The following PTCH1 variants were observed in gnomAD, a reference collection of about 807,000 sequenced individuals.
The protein encoded by PTCH1 is protein patched homolog 1.
PTCH1 carries 14 observed loss-of-function variants against 144.6 expected under a neutral mutation model. That is an observed-to-expected ratio of 0.10 (90% CI 0.06 to 0.15). PTCH1 has a LOEUF of 0.15. Among genes scored for constraint, PTCH1 ranks in the 10% least tolerant of loss-of-function variants. The pLI, the probability that PTCH1 is intolerant of heterozygous loss-of-function variation, is 1.00. For synonymous variants in PTCH1, 833 were observed against 793.6 expected, an observed-to-expected ratio of 1.05 and a Z score of -0.83; for missense variants, 1,623 against 1,948.3, an observed-to-expected ratio of 0.83 and a Z score of 3.14.
At chr9:95,479,208 C>G in intron 7 of PTCH1, 61 bp from the exon 8 acceptor site, 1 of 1,607,648 alleles carries the variant, frequency 6.2e-7, no homozygotes, top group South Asian at 1.1e-5. Context: ...TTTCCACTGC[C>G]TCAAATCCCC....
intron 13 of PTCH1, among the ~76,000 whole-genome samples, 185 bp downstream of exon 13, chr9:95,469,628 G>T (rs764619790): frequency 5.9e-5 from 9 of 152,146 alleles, no homozygotes; most frequent in Non-Finnish European, 8.8e-5. Flanking sequence ...CGGCAGGGGA[G>T]AAGGAAGCCC....
At chr9:95,474,993 T>C (rs1023788885) in intron 12 of PTCH1, among the ~76,000 whole-genome samples, 4 of 152,122 alleles carry the variant, frequency 2.6e-5, no homozygotes, top group South Asian at 2.1e-4. Flanking sequence ...GGGGAAACAA[T>C]TGAGGTTTTG....
intron 12 of PTCH1, among the ~76,000 whole-genome samples, chr9:95,474,330 T>C (rs1422979449): frequency 6.6e-6 from 1 of 151,854 alleles, no homozygotes; most frequent in Non-Finnish European, 1.5e-5. Context: ...GCACGTGAAA[T>C]GAGACTGGGG....
Position 95,449,608 on chromosome 9 carries a change from T to C in PTCH1, c.3549+233A>G. 1.6e-6 allele frequency: 1 copy of C among 642,626 alleles called. No homozygotes were observed. The highest frequency in any genetic ancestry group is 2.7e-6 in the Non-Finnish European group (1 of 370,038). 39.8% of individuals were successfully genotyped at this position (642,626 alleles called of 1,614,324 possible). A position where few individuals can be genotyped will look rare whatever the true frequency, so the allele number is the denominator to read the frequency against. ...AAGGGGAAAGTCTTCATTTACTGTA[T>C]AAAGATCTGTAAGACCCAGGCTGCC... On this transcript the variant is annotated intron_variant, in intron 21 of 23. Transcript: ENST00000331920. The surrounding 1 kb of genome is among the most constrained non-coding windows in gnomAD (Gnocchi z 5.3).
In PTCH1 at chr9:95,506,206, C is replaced by T. The variant is rs1843609500; in HGVS notation, c.394+201G>A. 8.8e-6 allele frequency: 5 copies of T among 565,278 alleles called. No individual in the cohort carries two copies. In the Admixed American group the frequency reaches 1.9e-4, roughly 21 times the overall value. The allele number at this position is 565,278 out of a possible 1,614,324, so 35.0% of individuals were successfully genotyped here. A position where few individuals can be genotyped will look rare whatever the true frequency, so the allele number is the denominator to read the frequency against. ...TCCCACCACACCTCGGCCGGCGCAGCGCCCCGAGTAGATTACAGCGCGGCC... is the reference window on the plus strand; with the variant it reads ...TCCCACCACACCTCGGCCGGCGCAGTGCCCCGAGTAGATTACAGCGCGGCC... On this transcript the variant is annotated intron_variant, in intron 2 of 23. Coordinates refer to ENST00000331920, the MANE Select transcript of PTCH1 (RefSeq NM_000264.5).
upstream of PTCH1, among the ~76,000 whole-genome samples, chr9:95,509,572 T>G (rs1228879833): frequency 6.6e-6 from 1 of 152,254 alleles, no homozygotes; most frequent in Admixed American, 6.5e-5. Context: ...CAACAGTGTC[T>G]TCTTTTTGTG....
chr9:95,466,150 C>A (rs527474939), intron 15 of PTCH1, among the ~76,000 whole-genome samples: 14 of 152,244 alleles, frequency 9.2e-5, no homozygotes, highest in Non-Finnish European at 1.9e-4. Context: ...CAGGTTCAAG[C>A]GATTCTCCTG....
At chr9:95,501,470 A>G (rs939985803) in intron 2 of PTCH1, among the ~76,000 whole-genome samples, 2 of 152,082 alleles carry the variant, frequency 1.3e-5, no homozygotes, top group Admixed American at 1.3e-4. Context: ...AACACTAGCA[A>G]GGTACAAACT....
At chr9:95,488,910 C>A (rs1214970099) in intron 2 of PTCH1, among the ~76,000 whole-genome samples, 1 of 152,180 alleles carries the variant, frequency 6.6e-6, no homozygotes, top group Non-Finnish European at 1.5e-5. Context: ...GAAGAACCAG[C>A]AACTGCAAAG....
At position 95,508,902 on chromosome 9, in the gene PTCH1, G is replaced by A. The variant is rs1053334736; in HGVS notation, c.-541C>T. Reference sequence around the variant, plus strand: ...AGCCGCCGCCGCCGCGGGGTCCGAGGGTGCCCGGCGGGTCTCAGCGCTGCC... The same window carrying A: ...AGCCGCCGCCGCCGCGGGGTCCGAGAGTGCCCGGCGGGTCTCAGCGCTGCC... On this transcript the variant is annotated 5_prime_UTR_variant, in exon 1 of 24. Transcript: ENST00000331920. The A allele has an allele frequency of 1.1e-5, 10 of 879,354 alleles. No homozygotes were observed. The highest frequency in any genetic ancestry group is 1.1e-4 in the African/African-American group (6 of 55,056). 54.5% of individuals were successfully genotyped at this position (879,354 alleles called of 1,614,324 possible). A position where few individuals can be genotyped will look rare whatever the true frequency, so the allele number is the denominator to read the frequency against.
chr9:95,449,588 G>A lies in PTCH1; in HGVS notation c.3549+253C>T. 1.6e-6 allele frequency: 1 copy of A among 634,872 alleles called. No homozygotes were observed. Among genetic ancestry groups the A allele is most frequent in the Non-Finnish European group, 2.7e-6 (1 of 365,794 alleles). 39.3% of individuals were successfully genotyped at this position (634,872 alleles called of 1,614,324 possible). A position where few individuals can be genotyped will look rare whatever the true frequency, so the allele number is the denominator to read the frequency against. ...GAAGTCCAATTATGCATCTCAAGGG[G>A]AAAGTCTTCATTTACTGTATAAAGA... On this transcript the variant is annotated intron_variant, in intron 21 of 23. Transcript: ENST00000331920. The surrounding 1 kb of genome is among the most constrained non-coding windows in gnomAD (Gnocchi z 5.3).
rs956609721 is a variant in PTCH1 at position 95,476,552 on chromosome 9, C to T, written c.1602+207G>A. On this transcript the variant is annotated intron_variant, in intron 11 of 23. Transcript: ENST00000331920. The surrounding 1 kb of genome is among the most constrained non-coding windows in gnomAD (Gnocchi z 4.6). ...AAACACCCGTATTCCTAAAGGCACC[C>T]GAGATGCAGCTCTTGGGACTTCTCA... 2.0e-5 allele frequency among the ~76,000 whole-genome samples: 3 copies of T among 152,080 alleles called. No individual in the cohort carries two copies. The highest frequency in any genetic ancestry group is 4.8e-5 in the African/African-American group (2 of 41,406).
intron 13 of PTCH1, among the ~76,000 whole-genome samples, chr9:95,469,364 G>T (rs1270191949): frequency 6.6e-6 from 1 of 152,148 alleles, no homozygotes; most frequent in Non-Finnish European, 1.5e-5. Context: ...TCAGTCTGAG[G>T]AGGCCACATG....
At chr9:95,512,323 G>T (rs781164581), upstream of PTCH1, among the ~76,000 whole-genome samples, 4 of 152,186 alleles carry the variant, frequency 2.6e-5, no homozygotes, top group Non-Finnish European at 5.9e-5. Flanking sequence ...TCTACCCGTG[G>T]GTTCCAGGAC....
rs45603137 is a variant in PTCH1 at position 95,478,730 on chromosome 9, GT to G, written c.1215+269del. On this transcript the variant is annotated intron_variant, in intron 8 of 23. Coordinates refer to ENST00000331920, the MANE Select transcript of PTCH1 (RefSeq NM_000264.5). Reference sequence around the variant, plus strand: ...TTCCAGACACCTTTGCTAACCAAGTGTTTTTTTAAACACTGTTATGTGCTTT... The same window carrying G: ...TTCCAGACACCTTTGCTAACCAAGTGTTTTTTAAACACTGTTATGTGCTTT... Among the ~76,000 whole-genome samples, 615 of 152,138 alleles carry G rather than the reference GT, an allele frequency of 4.0e-3. 3 individuals are homozygous for G. The highest frequency in any genetic ancestry group is 6.4e-3 in the Non-Finnish European group (435 of 68,012).
intron 12 of PTCH1, among the ~76,000 whole-genome samples, chr9:95,475,470 A>G (rs185542214): frequency 6.6e-6 from 1 of 152,078 alleles, no homozygotes; most frequent in East Asian, 1.9e-4. Context: ...AGGGAGGTGG[A>G]AAGAAAGGGC....
chr9:95,507,299 C>G (rs1006514543), intron 1 of PTCH1: 1 of 985,430 alleles, frequency 1.0e-6, no homozygotes, highest in Non-Finnish European at 1.2e-6. Context: ...TCTGGTTAAA[C>G]GTAAAAAACA....
chr9:95,473,448 G>A (rs897178799), intron 12 of PTCH1, among the ~76,000 whole-genome samples: 13 of 151,944 alleles, frequency 8.6e-5, no homozygotes, highest in South Asian at 2.1e-4. Context: ...CAATTTTGAG[G>A]GTCAATACAT....
upstream of PTCH1, among the ~76,000 whole-genome samples, chr9:95,510,599 C>A (rs189974858): frequency 6.6e-6 from 1 of 152,098 alleles, no homozygotes; most frequent in Admixed American, 6.5e-5. Context: ...GACCCGCAAA[C>A]CCTTGATTTG....
Sources: allele counts gnomAD v4.1 joint callset (sites outside exome capture counted in the v4.1 genomes callset), GRCh38; gene constraint gnomAD v4.1.1; non-coding constraint Gnocchi (gnomAD v3.1); transcripts MANE v1.5; gene names NCBI Gene and HGNC (gene_info 2026-07-23, HGNC 2026-07-21).